BRD10: variants seen among roughly 807,000 people sequenced by gnomAD.
BRD10 encodes bromodomain containing 10, also known as uncharacterized bromodomain-containing protein 10.
chr9:5,891,738 G>A, the BRD10 span, among the ~76,000 whole-genome samples: 3 of 152,210 alleles, frequency 2.0e-5, no homozygotes, highest in South Asian at 4.1e-4. Flanking sequence ...CCTAGCCAAG[G>A]GACTTGAACC....
chr9:5,923,587 A>AGTGT, the BRD10 span, among the ~76,000 whole-genome samples: 1 of 152,214 alleles, frequency 6.6e-6, no homozygotes, highest in Non-Finnish European at 1.5e-5. Context: ...TTCTTCTGCC[A>AGTGT]GTGTAAGTGC....
the BRD10 span, among the ~76,000 whole-genome samples, chr9:5,926,681 G>A: frequency 2.0e-5 from 3 of 152,048 alleles, no homozygotes; most frequent in African/African-American, 7.2e-5. Context: ...ACAGGTGCCC[G>A]CCACCACACC....
chr9:5,994,576 T>C, the BRD10 span, among the ~76,000 whole-genome samples: 1 of 152,218 alleles, frequency 6.6e-6, no homozygotes, highest in Non-Finnish European at 1.5e-5. Context: ...CTGACTCTCA[T>C]TTGCTGTAAC....
At chr9:5,917,132 A>G in the BRD10 span, among the ~76,000 whole-genome samples, 1 of 152,208 alleles carries the variant, frequency 6.6e-6, no homozygotes, top group African/African-American at 2.4e-5. Flanking sequence ...CTGGCACAAT[A>G]ATGATGATGA....
the BRD10 span, among the ~76,000 whole-genome samples, chr9:5,911,405 G>GTTTTTTTTTTT: frequency 9.7e-6 from 1 of 103,586 alleles, no homozygotes; most frequent in African/African-American, 3.6e-5. Flanking sequence ...GTCTATGTGT[G>GTTTTTTTTTTT]TTTTTTTTTT....
chr9:5,937,352 T>A, the BRD10 span, among the ~76,000 whole-genome samples: 1 of 151,308 alleles, frequency 6.6e-6, no homozygotes, highest in Non-Finnish European at 1.5e-5. Context: ...GCCTGGCCAA[T>A]ATGGTGAAAC....
chr9:5,939,310 ATTAC>A, the BRD10 span, among the ~76,000 whole-genome samples: 2 of 152,184 alleles, frequency 1.3e-5, no homozygotes, highest in African/African-American at 4.8e-5. Flanking sequence ...ATTTTATAAC[ATTAC>A]TTGTCAATAT....
At chr9:5,969,695 C>T in the BRD10 span, among the ~76,000 whole-genome samples, 1 of 152,058 alleles carries the variant, frequency 6.6e-6, no homozygotes, top group Admixed American at 6.5e-5. Context: ...AGGTGCCTGC[C>T]ACCACACCCA....
the BRD10 span, among the ~76,000 whole-genome samples, chr9:5,974,467 G>A: frequency 3.9e-5 from 6 of 152,210 alleles, no homozygotes; most frequent in East Asian, 5.8e-4. Flanking sequence ...AAAAGACAGC[G>A]ATCCATGACA....
At chr9:5,945,893 C>T in the BRD10 span, among the ~76,000 whole-genome samples, 1 of 151,726 alleles carries the variant, frequency 6.6e-6, no homozygotes, top group Non-Finnish European at 1.5e-5. Flanking sequence ...ATGTTTATAC[C>T]ATGTGATAAT....
At chr9:5,915,542 C>T in the BRD10 span, among the ~76,000 whole-genome samples, 62 of 152,246 alleles carry the variant, frequency 4.1e-4, no homozygotes, top group African/African-American at 1.5e-3. Flanking sequence ...CCTATGGGTC[C>T]TCTTAACCTA....
At chr9:5,952,026 T>TATTTATTTATTC in the BRD10 span, among the ~76,000 whole-genome samples, 25,701 of 149,362 alleles carry the variant, frequency 0.17, 2,609 homozygotes, top group Middle Eastern at 0.26. Flanking sequence ...TTTATTTATT[T>TATTTATTTATTC]ATTTATTTAT....
the BRD10 span, chr9:5,892,489 T>C: frequency 2.1e-5 from 34 of 1,613,660 alleles, no homozygotes; most frequent in East Asian, 4.9e-4. Context: ...CAAGAGAAGA[T>C]GCTCACTTCA....
At chr9:5,923,236 T>C in the BRD10 span, 1 of 1,613,898 alleles carries the variant, frequency 6.2e-7, no homozygotes, top group Non-Finnish European at 8.5e-7. Context: ...TCGGTAAGTC[T>C]TTTGAAGGCA....
the BRD10 span, chr9:5,914,034 G>A: frequency 2.2e-6 from 1 of 453,136 alleles, no homozygotes; most frequent in Non-Finnish European, 4.4e-6. Flanking sequence ...AAGTTGGATG[G>A]CAGCTTGGCA....
the BRD10 span, among the ~76,000 whole-genome samples, chr9:5,930,335 CAT>C: frequency 1.4e-5 from 2 of 140,710 alleles, no homozygotes; most frequent in Admixed American, 7.2e-5. Flanking sequence ...CTATTACAAA[CAT>C]GTGCATAAAT....
chr9:5,908,829 T>A, the BRD10 span: 1 of 899,312 alleles, frequency 1.1e-6, no homozygotes, highest in Non-Finnish European at 1.8e-6. Context: ...CCATCTCTAA[T>A]AATAAGTCAG....
the BRD10 span, chr9:5,892,354 T>C: frequency 1.3e-6 from 1 of 744,342 alleles, no homozygotes; most frequent in Non-Finnish European, 2.1e-6. Context: ...CTATGGATAT[T>C]GGTCACCTAG....
the BRD10 span, among the ~76,000 whole-genome samples, chr9:5,960,596 T>C: frequency 6.6e-6 from 1 of 150,888 alleles, no homozygotes; most frequent in East Asian, 1.9e-4. Context: ...AAGACAATAA[T>C]GACTATTTGA....
Sources: gnomAD v4.1 joint callset for allele counts (sites outside exome capture counted in the v4.1 genomes callset) on GRCh38, gnomAD v4.1.1 for gene constraint, MANE v1.5 for transcripts, NCBI Gene and HGNC (gene_info 2026-07-23, HGNC 2026-07-21) for gene names.